Variants in PNPT1 observed in about 807,000 individuals in gnomAD.
The protein encoded by PNPT1 is polyribonucleotide nucleotidyltransferase 1.
In PNPT1, 53 loss-of-function variants were observed where a neutral mutation model predicts 119.5. The observed-to-expected ratio is 0.44, with a 90% CI of 0.36 to 0.56. The LOEUF (loss-of-function observed/expected upper bound fraction) is 0.56, where lower values mean the gene tolerates loss of function less well. Ranked by LOEUF, PNPT1 falls within the 20% of genes least tolerant of loss-of-function variation. The pLI is 0.00. For synonymous variants in PNPT1, 357 were observed against 322.1 expected (o/e 1.11, Z -1.16); for missense variants, 948 against 938.5 (o/e 1.01, Z -0.13).
chr2:55,680,685 A>G (rs1697221160), intron 7 of PNPT1, 27 bp downstream of exon 7: 1 of 1,599,692 alleles, frequency 6.3e-7, no homozygotes, highest in Non-Finnish European at 8.5e-7. Context: ...TACACATATG[A>G]TTTCTTACTT....
intron 9 of PNPT1, among the ~76,000 whole-genome samples, chr2:55,672,636 G>A (rs1696949261): frequency 6.6e-6 from 1 of 152,050 alleles, no homozygotes; most frequent in African/African-American, 2.4e-5. Context: ...CCTAGACGTG[G>A]AGAGATGTGG....
At chr2:55,636,444 T>C (rs1695677741) in intron 27 of PNPT1, 52 bp from the exon 28 acceptor site, 2 of 1,560,564 alleles carry the variant, frequency 1.3e-6, no homozygotes, top group Non-Finnish European at 8.8e-7. Context: ...TTGAGTGACA[T>C]CTAAACTAAT....
intron 10 of PNPT1, among the ~76,000 whole-genome samples, chr2:55,671,750 C>T (rs975746354): frequency 6.6e-6 from 1 of 152,200 alleles, no homozygotes; most frequent in Admixed American, 6.5e-5. Context: ...ATGAGAATCG[C>T]TGGAAGGCGA....
chr2:55,655,453 C>T (rs1461408635), intron 17 of PNPT1, among the ~76,000 whole-genome samples: 2 of 152,178 alleles, frequency 1.3e-5, no homozygotes, highest in Non-Finnish European at 2.9e-5. Flanking sequence ...AGTATTGCTA[C>T]AGATATTCTA....
chr2:55,654,383 G>T (rs1696317703), intron 18 of PNPT1, among the ~76,000 whole-genome samples: 1 of 152,058 alleles, frequency 6.6e-6, no homozygotes, highest in Non-Finnish European at 1.5e-5. Context: ...GAGTGGCATT[G>T]TTCTCTTGGC....
At chr2:55,692,191 T>A (rs940129665) in intron 1 of PNPT1, among the ~76,000 whole-genome samples, 11 of 152,142 alleles carry the variant, frequency 7.2e-5, no homozygotes, top group African/African-American at 1.2e-4. Flanking sequence ...GGCCGTTTTT[T>A]AAAATATTTC....
chr2:55,662,487 C>T (rs1405448324), intron 13 of PNPT1, among the ~76,000 whole-genome samples: 2 of 151,896 alleles, frequency 1.3e-5, no homozygotes, highest in African/African-American at 4.8e-5. Flanking sequence ...TCAGCCTGGC[C>T]GATACGGTGA....
chr2:55,683,949 G>C (rs901893144), intron 4 of PNPT1, 115 bp from the exon 5 acceptor site: 13 of 953,406 alleles, frequency 1.4e-5, no homozygotes, highest in Non-Finnish European at 2.1e-5. Flanking sequence ...AATCCCCTTG[G>C]ACTGATTTAC....
chr2:55,643,799 G>A (rs537171097), intron 23 of PNPT1, among the ~76,000 whole-genome samples: 1 of 151,960 alleles, frequency 6.6e-6, no homozygotes, highest in Admixed American at 6.6e-5. Context: ...ATAGATGTGA[G>A]AATAGGAGGG....
intron 1 of PNPT1, among the ~76,000 whole-genome samples, chr2:55,691,737 T>C (rs2104198504): frequency 1.3e-5 from 2 of 151,624 alleles, no homozygotes; most frequent in East Asian, 3.9e-4. Flanking sequence ...CCCTCAAAAA[T>C]CAGAATTAAT....
At position 55,679,668 on chromosome 2, in the gene PNPT1, T is replaced by A; in HGVS notation, c.679+14A>T. 1 of 1,540,150 alleles carries A rather than the reference T, an allele frequency of 6.5e-7. No homozygotes were observed. On this transcript the variant is annotated intron_variant, in intron 8 of 27. Transcript: ENST00000447944. The stretch of plus-strand genomic sequence containing the variant: ...GTAAAATCCAGAACAAATGTGGTAT[T>A]TAAAACAACTTACCAATCTGACTTT...
At chr2:55,659,445 C>T (rs921923655) in intron 15 of PNPT1, among the ~76,000 whole-genome samples, 2 of 151,770 alleles carry the variant, frequency 1.3e-5, no homozygotes, top group Non-Finnish European at 2.9e-5. Flanking sequence ...TTTCAATGAG[C>T]AAACAGAAGG....
intron 18 of PNPT1, 47 bp from the exon 19 acceptor site, chr2:55,647,500 T>C: frequency 1.5e-6 from 2 of 1,369,310 alleles, no homozygotes; most frequent in Non-Finnish European, 1.0e-6. Context: ...TACATGAGCC[T>C]AAAACAAATA....
In PNPT1 at chr2:55,660,144, A is replaced by C. The variant is rs2104086303; in HGVS notation, c.1284+13T>G. On this transcript the variant is annotated intron_variant, in intron 15 of 27. Transcript: ENST00000447944. ...TTTATTAATAAAATTTTGAGGAAAA[A>C]AATTCACCTTACCTCGTAGTGCAGC... The C allele has an allele frequency of 1.3e-6, 2 of 1,574,656 alleles. No homozygotes were observed. The highest frequency in any genetic ancestry group is 1.7e-6 in the Non-Finnish European group (2 of 1,163,014).
intron 4 of PNPT1, among the ~76,000 whole-genome samples, chr2:55,684,282 G>C (rs895370176): frequency 2.0e-5 from 3 of 152,166 alleles, no homozygotes; most frequent in African/African-American, 7.2e-5. Context: ...ACGAGGTCAG[G>C]AGTTCAAGAC....
rs563843563 is a variant in PNPT1, at chr2:55,684,687, G to C, written c.403+256C>G. ...TGCTCAATAGAGATTTACTCATTTA[G>C]TCAACAAATATTTATTGAATGCCTA... On this transcript the variant is annotated intron_variant, in intron 4 of 27. Coordinates refer to ENST00000447944, the MANE Select transcript of PNPT1 (RefSeq NM_033109.5). Among the ~76,000 whole-genome samples the C allele has an allele frequency of 2.6e-5, 4 of 152,350 alleles. No homozygotes were observed. In the East Asian group the frequency reaches 7.7e-4, roughly 29 times the overall value.
intron 19 of PNPT1, 131 bp downstream of exon 19, chr2:55,647,216 A>G (rs1015634082): frequency 2.9e-5 from 18 of 617,882 alleles, no homozygotes; most frequent in African/African-American, 2.6e-4. Context: ...TTCAAATACT[A>G]GCATTCTTCT....
intron 12 of PNPT1, among the ~76,000 whole-genome samples, chr2:55,667,547 T>C (rs1165664796): frequency 1.3e-5 from 2 of 151,354 alleles, no homozygotes; most frequent in Non-Finnish European, 2.9e-5. Context: ...TGAGCCGAGA[T>C]TGCACTCCAG....
chr2:55,652,951 G>A (rs1374460924), intron 18 of PNPT1, among the ~76,000 whole-genome samples: 1 of 152,206 alleles, frequency 6.6e-6, no homozygotes, highest in African/African-American at 2.4e-5. Flanking sequence ...GGGTTAAAGT[G>A]ATTCTCTTGA....
Sources: gnomAD v4.1 joint callset for allele counts (sites outside exome capture counted in the v4.1 genomes callset) on GRCh38, gnomAD v4.1.1 for gene constraint, MANE v1.5 for transcripts, NCBI Gene and HGNC (gene_info 2026-07-23, HGNC 2026-07-21) for gene names.